The following GNA12 variants were observed in gnomAD, a reference collection of about 807,000 sequenced individuals.
GNA12 encodes the protein G protein subunit alpha 12.
In GNA12, 9 loss-of-function variants were observed where a neutral mutation model predicts 26.0. The observed-to-expected ratio is 0.35, with a 90% CI of 0.21 to 0.60. GNA12 has a LOEUF of 0.60. GNA12 is among the 20% of genes least tolerant of loss of function. The pLI, the probability that GNA12 is intolerant of heterozygous loss-of-function variation, is 0.78. For synonymous variants in GNA12, 264 were observed against 219.6 expected (o/e 1.20, Z -1.79); for missense variants, 405 against 525.8 (o/e 0.77, Z 2.25).
chr7:2,765,714 T>C (rs1354375196), intron 2 of GNA12, among the ~76,000 whole-genome samples: 1 of 151,906 alleles, frequency 6.6e-6, no homozygotes, highest in Non-Finnish European at 1.5e-5. Context: ...CACCACAACC[T>C]CCGCCTCCTG....
At chr7:2,749,566 A>G (rs1404251615) in intron 2 of GNA12, among the ~76,000 whole-genome samples, 4 of 152,072 alleles carry the variant, frequency 2.6e-5, no homozygotes, top group African/African-American at 9.7e-5. Flanking sequence ...ATGCTAAATG[A>G]CGAGTTAATG....
intron 2 of GNA12, among the ~76,000 whole-genome samples, chr7:2,793,009 T>C (rs1231177347): frequency 1.3e-5 from 2 of 152,074 alleles, no homozygotes; most frequent in African/African-American, 4.8e-5. Flanking sequence ...CTGGACAATA[T>C]CACGCACTTC....
intron 2 of GNA12, among the ~76,000 whole-genome samples, chr7:2,777,698 T>C (rs1032037741): frequency 6.6e-6 from 1 of 152,182 alleles, no homozygotes; most frequent in Non-Finnish European, 1.5e-5. Flanking sequence ...GGCCAGCACC[T>C]TGATCTTGGG....
intron 1 of GNA12, among the ~76,000 whole-genome samples, chr7:2,808,275 G>A (rs930750681): frequency 2.0e-5 from 3 of 152,232 alleles, no homozygotes; most frequent in East Asian, 1.9e-4. Context: ...CTAGAGCAGC[G>A]CCTTCAGTGC....
chr7:2,770,940 G>C (rs1167645831), intron 2 of GNA12, among the ~76,000 whole-genome samples: 1 of 152,184 alleles, frequency 6.6e-6, no homozygotes, highest in East Asian at 1.9e-4. Flanking sequence ...GCCAGGCTCT[G>C]ATGACTCCTT....
chr7:2,840,866 TAAAA>T (rs1464451569), intron 1 of GNA12, among the ~76,000 whole-genome samples: 4 of 150,992 alleles, frequency 2.6e-5, no homozygotes, highest in Non-Finnish European at 5.9e-5. Flanking sequence ...AAAATAAAAA[TAAAA>T]AAATAAAATA....
At chr7:2,830,135 T>C (rs914122277) in intron 1 of GNA12, among the ~76,000 whole-genome samples, 1 of 152,210 alleles carries the variant, frequency 6.6e-6, no homozygotes, top group Non-Finnish European at 1.5e-5. Context: ...TGTTTCTTTC[T>C]AGATGGGAAG....
intron 2 of GNA12, among the ~76,000 whole-genome samples, chr7:2,779,155 T>A (rs1014767987): frequency 6.6e-6 from 1 of 152,070 alleles, no homozygotes; most frequent in Non-Finnish European, 1.5e-5. Flanking sequence ...GCCCAGGAGT[T>A]TGACCCCAGC....
chr7:2,736,745 C>A (rs1026230058), intron 2 of GNA12, among the ~76,000 whole-genome samples: 1 of 152,226 alleles, frequency 6.6e-6, no homozygotes, highest in Non-Finnish European at 1.5e-5. Context: ...GACACACGCT[C>A]GGCTTGCTGC....
In GNA12 at chr7:2,780,048, G is replaced by GTATATA. The variant is rs1554259618; in HGVS notation, c.525+14879_525+14880insTATATA. 4.4e-4 allele frequency among the ~76,000 whole-genome samples: 37 copies of GTATATA among 84,724 alleles called. 1 individual carries two copies. Among genetic ancestry groups the GTATATA allele is most frequent in the African/African-American group, 1.4e-3 (25 of 17,434 alleles). The allele number at this position is 84,724 out of a possible 152,430, so 55.6% of individuals were successfully genotyped here. A position where few individuals can be genotyped will look rare whatever the true frequency, so the allele number is the denominator to read the frequency against. ...GTACTAGTTTTTTACACATTTCTGT[G>GTATATA]TACATATATATATATATATATATAT... On this transcript the variant is annotated intron_variant, in intron 2 of 3. Transcript: ENST00000275364.
chr7:2,798,895 A>C (rs1792741428), intron 1 of GNA12, among the ~76,000 whole-genome samples: 1 of 148,426 alleles, frequency 6.7e-6, no homozygotes, highest in African/African-American at 2.5e-5. Flanking sequence ...AAAAAGAGGA[A>C]GCCTGGTCTT....
intron 2 of GNA12, among the ~76,000 whole-genome samples, chr7:2,755,275 A>G (rs57065076): frequency 0.026 from 3,947 of 152,304 alleles, 130 homozygotes; most frequent in Middle Eastern, 0.075. Flanking sequence ...TACAATAATC[A>G]CATCCATGTC....
In GNA12 at chr7:2,768,617, AAATT is replaced by A. The variant is rs147970862; in HGVS notation, c.525+26307_525+26310del. 8.9e-3 allele frequency among the ~76,000 whole-genome samples: 1,356 copies of A among 151,850 alleles called. 17 individuals are homozygous for A. The highest frequency in any genetic ancestry group is 0.031 in the African/African-American group (1,265 of 41,408). On this transcript the variant is annotated intron_variant, in intron 2 of 3. Transcript: ENST00000275364. ...TATAATGCAGTTACGTACATTTAGA[AAATT>A]AATTCAGTTATAAAATTAGGTAACA...
At position 2,766,665 on chromosome 7, in the gene GNA12, T is replaced by C. The variant is rs188274454; in HGVS notation, c.525+28263A>G. Among the ~76,000 whole-genome samples the C allele has an allele frequency of 6.6e-5, 10 of 152,248 alleles. No homozygotes were observed. In the East Asian group the frequency reaches 1.9e-3, roughly 29 times the overall value. On this transcript the variant is annotated intron_variant, in intron 2 of 3. Transcript: ENST00000275364. ...TCTCCCAAAGTGCTGGGATTACAGGTGTGAGCCACCGCACCTGGCCAGCTT... is the reference window on the plus strand; with the variant it reads ...TCTCCCAAAGTGCTGGGATTACAGGCGTGAGCCACCGCACCTGGCCAGCTT...
intron 1 of GNA12, among the ~76,000 whole-genome samples, chr7:2,815,462 T>C (rs141699453): frequency 2.0e-5 from 3 of 151,998 alleles, no homozygotes; most frequent in Non-Finnish European, 4.4e-5. Flanking sequence ...CAGGTTGGAG[T>C]GCAGGGCTAT....
At chr7:2,814,459 T>C (rs541864667) in intron 1 of GNA12, 2 of 917,042 alleles carry the variant, frequency 2.2e-6, no homozygotes, top group South Asian at 1.3e-5. Context: ...AATAAAGCCC[T>C]GCTCAAGCTT....
chr7:2,802,927 C>G (rs910531862), intron 1 of GNA12, among the ~76,000 whole-genome samples: 1 of 152,228 alleles, frequency 6.6e-6, no homozygotes, highest in African/African-American at 2.4e-5. Flanking sequence ...TCTGCCATTT[C>G]ACAGCGCAGC....
rs756620625 is a variant in GNA12, at chr7:2,729,000, T to G, written c.*2181A>C. ...CACAATATCTCCTTCCTCTCATGCT[T>G]CTGGTTTGAAAGTGACGAGTAAATA... On this transcript the variant is annotated 3_prime_UTR_variant, in exon 4 of 4. Coordinates refer to ENST00000275364, the MANE Select transcript of GNA12 (RefSeq NM_007353.3). 4 of 152,400 alleles carry G rather than the reference T, an allele frequency of 2.6e-5. No homozygotes were observed. Among genetic ancestry groups the G allele is most frequent in the Non-Finnish European group, 4.4e-5 (3 of 68,052 alleles). 9.4% of individuals were successfully genotyped at this position (152,400 alleles called of 1,614,324 possible). A position where few individuals can be genotyped will look rare whatever the true frequency, so the allele number is the denominator to read the frequency against.
At chr7:2,794,155 G>A (rs577063871) in intron 2 of GNA12, among the ~76,000 whole-genome samples, 10 of 152,102 alleles carry the variant, frequency 6.6e-5, no homozygotes, top group Admixed American at 1.3e-4. Flanking sequence ...CAAGACTGTC[G>A]TGTTTACAAA....
Sources: gnomAD v4.1 joint callset for allele counts (sites outside exome capture counted in the v4.1 genomes callset) on GRCh38, gnomAD v4.1.1 for gene constraint, MANE v1.5 for transcripts, NCBI Gene and HGNC (gene_info 2026-07-23, HGNC 2026-07-21) for gene names.